The following PAPPA variants were observed in gnomAD, a reference collection of about 807,000 sequenced individuals.
PAPPA encodes pappalysin-1.
In PAPPA, 60 loss-of-function variants were observed where a neutral mutation model predicts 164.0. The observed-to-expected ratio is 0.37, with a 90% CI of 0.30 to 0.45. The LOEUF is 0.45. Ranked by LOEUF, PAPPA falls within the 20% of genes least tolerant of loss-of-function variation. The pLI is 1.00. For missense variants in PAPPA, 1,782 were observed against 2,087.3 expected (o/e 0.85, Z 2.85); for synonymous variants, 875 against 814.1 (o/e 1.07, Z -1.27).
intron 3 of PAPPA, among the ~76,000 whole-genome samples, chr9:116,208,308 A>G (rs768380017): frequency 2.0e-5 from 3 of 152,194 alleles, no homozygotes; most frequent in Admixed American, 1.3e-4. Context: ...TTAACTGTAC[A>G]TTTTTAAAAT....
chr9:116,363,970 C>T (rs1045016802), intron 18 of PAPPA, among the ~76,000 whole-genome samples: 3 of 152,294 alleles, frequency 2.0e-5, no homozygotes, highest in East Asian at 1.9e-4. Context: ...TGATTGCTCT[C>T]GCTGATGGTT....
At chr9:116,377,695 T>C (rs753770088) in intron 20 of PAPPA, 48 bp downstream of exon 20, 7 of 1,316,982 alleles carry the variant, frequency 5.3e-6, no homozygotes, top group Non-Finnish European at 7.7e-6. Context: ...ATAATCCTGC[T>C]GTTGTTATTG....
chr9:116,376,311 G>A (rs980921110), intron 19 of PAPPA, among the ~76,000 whole-genome samples: 6 of 152,150 alleles, frequency 3.9e-5, no homozygotes, highest in Non-Finnish European at 8.8e-5. Flanking sequence ...GAGCCACCAC[G>A]CCTGGCCAAG....
At chr9:116,371,938 AC>A (rs1198134629) in intron 19 of PAPPA, among the ~76,000 whole-genome samples, 1 of 152,208 alleles carries the variant, frequency 6.6e-6, no homozygotes, top group Non-Finnish European at 1.5e-5. Context: ...GGTCCCTATC[AC>A]TACGAATTGG....
At chr9:116,162,333 A>G (rs956960179) in intron 1 of PAPPA, among the ~76,000 whole-genome samples, 3 of 152,178 alleles carry the variant, frequency 2.0e-5, no homozygotes, top group Non-Finnish European at 2.9e-5. Context: ...ACACACACAC[A>G]TACTCATATA....
rs369589150 is a variant in PAPPA at position 116,366,557 on chromosome 9, C to T, written c.4496-1088C>T. Among the ~76,000 whole-genome samples the T allele has an allele frequency of 3.3e-5, 5 of 152,158 alleles. No individual in the cohort carries two copies. In the East Asian group the frequency reaches 5.8e-4, roughly 18 times the overall value. On this transcript the variant is annotated intron_variant, in intron 18 of 21. Transcript: ENST00000328252. ...TCATGCCATTCATTTATCCATTAATCCACTCATTTCCTGATCCATTGATGT... is the reference window on the plus strand; with the variant it reads ...TCATGCCATTCATTTATCCATTAATTCACTCATTTCCTGATCCATTGATGT...
chr9:116,348,871 T>C (rs1846245184), intron 15 of PAPPA, among the ~76,000 whole-genome samples: 1 of 152,206 alleles, frequency 6.6e-6, no homozygotes, highest in Non-Finnish European at 1.5e-5. Context: ...TCATGGTGTA[T>C]ATGTACCACA....
intron 1 of PAPPA, among the ~76,000 whole-genome samples, chr9:116,156,385 G>T (rs1363018347): frequency 7.1e-6 from 1 of 140,342 alleles, no homozygotes; most frequent in Non-Finnish European, 1.5e-5. Context: ...TTCCACAGGA[G>T]ACTGCTTTAT....
At chr9:116,179,634 G>C (rs888537076) in intron 1 of PAPPA, among the ~76,000 whole-genome samples, 1 of 152,146 alleles carries the variant, frequency 6.6e-6, no homozygotes, top group African/African-American at 2.4e-5. Context: ...TACCCTCCTC[G>C]GTGATATCCC....
chr9:116,232,074 G>A (rs1844605794), intron 6 of PAPPA, among the ~76,000 whole-genome samples: 3 of 152,020 alleles, frequency 2.0e-5, no homozygotes, highest in Admixed American at 2.0e-4. Flanking sequence ...TTTCTAAAAG[G>A]CGACCCTGAT....
intron 7 of PAPPA, among the ~76,000 whole-genome samples, chr9:116,256,248 A>G (rs752394368): frequency 6.6e-6 from 1 of 152,078 alleles, no homozygotes; most frequent in African/African-American, 2.4e-5. Flanking sequence ...TATACAAATT[A>G]GTATTTTAGA....
chr9:116,382,977 A>G (rs982865433), intron 21 of PAPPA, among the ~76,000 whole-genome samples: 1 of 152,162 alleles, frequency 6.6e-6, no homozygotes, highest in African/African-American at 2.4e-5. Context: ...AAAATAGTAC[A>G]TCCCTAATGA....
At chr9:116,273,084 A>T in intron 9 of PAPPA, among the ~76,000 whole-genome samples, 1 of 152,176 alleles carries the variant, frequency 6.6e-6, no homozygotes, top group East Asian at 1.9e-4. Flanking sequence ...CATGCTGAAA[A>T]ATATCTGCCT....
chr9:116,276,691 G>C (rs1208671076), intron 9 of PAPPA, among the ~76,000 whole-genome samples: 2 of 152,144 alleles, frequency 1.3e-5, no homozygotes, highest in Non-Finnish European at 2.9e-5. Context: ...GGCATTCCCT[G>C]TGTGTCTCTT....
At chr9:116,319,134 C>T (rs771040000) in intron 10 of PAPPA, among the ~76,000 whole-genome samples, 3 of 152,176 alleles carry the variant, frequency 2.0e-5, no homozygotes, top group African/African-American at 2.4e-5. Flanking sequence ...AGTTCATAGG[C>T]GGGCCTGGGC....
intron 1 of PAPPA, among the ~76,000 whole-genome samples, chr9:116,179,398 C>T (rs542536734): frequency 1.3e-5 from 2 of 152,316 alleles, no homozygotes; most frequent in South Asian, 4.1e-4. Context: ...ACATGGGAAA[C>T]ACCTGAGCTA....
intron 17 of PAPPA, among the ~76,000 whole-genome samples, chr9:116,357,805 G>T (rs1013958231): frequency 6.6e-6 from 1 of 152,182 alleles, no homozygotes; most frequent in African/African-American, 2.4e-5. Context: ...GCATCAGCAG[G>T]GGAGGACAAA....
chr9:116,271,450 A>T lies in PAPPA; in HGVS notation c.2953+34A>T. 1 of 1,428,204 alleles carries T rather than the reference A, an allele frequency of 7.0e-7. No individual in the cohort carries two copies. Among genetic ancestry groups the T allele is most frequent in the Non-Finnish European group, 9.9e-7 (1 of 1,010,188 alleles). 88.5% of individuals were successfully genotyped at this position (1,428,204 alleles called of 1,614,324 possible). On this transcript the variant is annotated intron_variant, in intron 9 of 21. Transcript: ENST00000328252. The surrounding 1 kb of genome is among the most constrained non-coding windows in gnomAD (Gnocchi z 4.2). ...TTTTCATTTCTTGTGGCCTTCATGAAGAAATGAACGGTGCAGAATGGTTGG... is the reference window on the plus strand; with the variant it reads ...TTTTCATTTCTTGTGGCCTTCATGATGAAATGAACGGTGCAGAATGGTTGG...
intron 8 of PAPPA, 113 bp downstream of exon 8, chr9:116,266,098 C>T: frequency 1.1e-6 from 1 of 878,116 alleles, no homozygotes; most frequent in Non-Finnish European, 1.7e-6. Flanking sequence ...GAGCTGTGAG[C>T]TACTAGTGGT....
Sources: gnomAD v4.1 joint callset for allele counts (sites outside exome capture counted in the v4.1 genomes callset) on GRCh38, gnomAD v4.1.1 for gene constraint, Gnocchi (gnomAD v3.1) non-coding constraint, MANE v1.5 for transcripts, NCBI Gene and HGNC (gene_info 2026-07-23, HGNC 2026-07-21) for gene names.